The following EXOSC7 variants were observed in gnomAD, a reference collection of about 807,000 sequenced individuals.
The protein encoded by EXOSC7 is exosome complex component RRP42.
A neutral mutation model predicts 34.3 loss-of-function variants in EXOSC7; 25 were observed. The observed-to-expected ratio is 0.73, with a 90% CI of 0.53 to 1.02. EXOSC7 has a LOEUF of 1.02. EXOSC7 is among the 50% of genes least tolerant of loss of function. The probability of loss-of-function intolerance (pLI) is 0.00; values close to 1 mark genes in which losing one functional copy is unlikely to be tolerated. For missense variants in EXOSC7, 370 were observed against 368.5 expected, an observed-to-expected ratio of 1.00 and a Z score of -0.03; for synonymous variants, 130 against 143.0, an observed-to-expected ratio of 0.91 and a Z score of 0.65.
intron 1 of EXOSC7, among the ~76,000 whole-genome samples, chr3:44,983,466 G>A (rs1045808372): frequency 3.9e-5 from 6 of 152,222 alleles, no homozygotes; most frequent in Admixed American, 6.5e-5. Flanking sequence ...TTAGGTCAAG[G>A]TCACAAAACT....
chr3:45,005,787 A>G (rs1412337362), intron 6 of EXOSC7, among the ~76,000 whole-genome samples: 2 of 152,084 alleles, frequency 1.3e-5, no homozygotes, highest in Admixed American at 6.6e-5. Flanking sequence ...TGTCCCCCCT[A>G]TGAAATGGGA....
Position 44,989,161 on chromosome 3 carries a change from C to T in EXOSC7, c.79C>T (p.Arg27Cys), listed in dbSNP as rs1312053486. ...GVQEDLRVDG[R>C]GCEDYRCVEV... The stretch of plus-strand genomic sequence containing the variant: ...CTAGGAAGACCTCCGTGTGGATGGC[C>T]GTGGCTGTGAGGACTACCGATGTGT... Residue 27 changes from arginine (R) to cysteine (C), a missense_variant, in exon 2 of 8, where the codon CGT becomes TGT. Arg to Cys is a radical substitution (Grantham distance 180). Around this residue, in one of 3 missense-constraint regions of EXOSC7, gnomAD observed 95 missense variants for 79.8 expected, o/e 1.19. Transcript: ENST00000265564. 1.1e-5 allele frequency: 17 copies of T among 1,613,828 alleles called. No individual in the cohort carries two copies. Among genetic ancestry groups the T allele is most frequent in the Admixed American group, 3.3e-5 (2 of 59,992 alleles).
At chr3:44,988,623 T>A (rs1387289296) in intron 1 of EXOSC7, among the ~76,000 whole-genome samples, 2 of 152,242 alleles carry the variant, frequency 1.3e-5, no homozygotes, top group African/African-American at 4.8e-5. Flanking sequence ...GACCTTAGTT[T>A]GTTGACCCTG....
intron 1 of EXOSC7, among the ~76,000 whole-genome samples, chr3:44,985,456 T>G (rs1706381158): frequency 3.3e-5 from 5 of 151,952 alleles, no homozygotes; most frequent in Admixed American, 3.3e-4. Context: ...TGCTCGGAGT[T>G]TCTTCCTTCT....
At chr3:45,002,262 A>G (rs537647993) in intron 5 of EXOSC7, 73 of 152,350 alleles carry the variant, frequency 4.8e-4, no homozygotes, top group African/African-American at 1.7e-3. Flanking sequence ...AATACGTGGG[A>G]TAGGGTGTTC....
chr3:45,007,314 G>C (rs1381332698), intron 6 of EXOSC7, 106 bp from the exon 7 acceptor site: 2 of 1,192,738 alleles, frequency 1.7e-6, no homozygotes, highest in Admixed American at 4.5e-5. Flanking sequence ...GGAATGACCA[G>C]TGCAAATACT....
Position 44,985,540 on chromosome 3 carries a change from G to A in EXOSC7, c.58-3600G>A, listed in dbSNP as rs1022147492. Among the ~76,000 whole-genome samples, 12 of 151,608 alleles carry A rather than the reference G, an allele frequency of 7.9e-5. 1 individual carries two copies. The highest frequency in any genetic ancestry group is 6.3e-4 in the South Asian group (3 of 4,742). On this transcript the variant is annotated intron_variant, in intron 1 of 7. Transcript: ENST00000265564. ...TGGTGAGTGTTACAGCTCTTAAGGC[G>A]GCACACCTGGAGTTGTTCATTCCTC... is the stretch of plus-strand genomic sequence containing the variant.
chr3:45,005,485 GTTAC>G, intron 6 of EXOSC7, 71 bp downstream of exon 6: 1 of 1,500,418 alleles, frequency 6.7e-7, no homozygotes, highest in South Asian at 1.2e-5. Flanking sequence ...ACCTGCTGAG[GTTAC>G]TTAATAAGTT....
At chr3:44,989,740 A>G (rs995152153) in intron 3 of EXOSC7, 96 bp downstream of exon 3, 19 of 904,286 alleles carry the variant, frequency 2.1e-5, no homozygotes, top group South Asian at 4.7e-5. Flanking sequence ...ACCCACTTTT[A>G]TACTTATCAT....
At chr3:45,008,214 C>T (rs1032407066) in intron 7 of EXOSC7, among the ~76,000 whole-genome samples, 21 of 152,198 alleles carry the variant, frequency 1.4e-4, no homozygotes, top group African/African-American at 5.1e-4. Flanking sequence ...CACCTGTTTC[C>T]CAGACCTTCT....
intron 6 of EXOSC7, among the ~76,000 whole-genome samples, chr3:45,006,706 G>A (rs1707056449): frequency 6.6e-6 from 1 of 151,844 alleles, no homozygotes; most frequent in Non-Finnish European, 1.5e-5. Flanking sequence ...GTGAGCCACC[G>A]CGCCCGGCCT....
chr3:44,986,511 G>A (rs192450874), intron 1 of EXOSC7, among the ~76,000 whole-genome samples: 2 of 152,322 alleles, frequency 1.3e-5, no homozygotes, highest in Non-Finnish European at 2.9e-5. Context: ...GAGGGAGCCG[G>A]CTCCCACCTT....
In EXOSC7 at chr3:44,997,225, C is replaced by T. The variant is rs778326037; in HGVS notation, c.393C>T (p.His131=). ...LKTLCISPRE[H]CWVLYVDVLL... ...CCCTCTGCATTAGTCCTCGGGAGCA[C>T]TGCTGGGTTCTCTATGTGGATGTGC... The change falls in exon 4 of 8, where the codon CAC becomes CAT. Residue 131 remains histidine (H), a synonymous_variant. Transcript: ENST00000265564. 2 of 1,613,936 alleles carry T rather than the reference C, an allele frequency of 1.2e-6. No individual in the cohort carries two copies. The highest frequency in any genetic ancestry group is 1.7e-5 in the Admixed American group (1 of 59,988).
intron 3 of EXOSC7, among the ~76,000 whole-genome samples, chr3:44,991,534 A>G (rs1189492345): frequency 1.3e-5 from 2 of 152,198 alleles, no homozygotes; most frequent in Non-Finnish European, 2.9e-5. Context: ...AGGCAGACCA[A>G]AGACATTCAG....
Position 44,994,243 on chromosome 3 carries a change from AT to A in EXOSC7, c.255-2842del, listed in dbSNP as rs1706653718. ...GAGTGGTGTCTAGCTCATGCTAAAC[AT>A]TAAAAAAAAAAAAAAAAAGATAAGG... On this transcript the variant is annotated intron_variant, in intron 3 of 7. Coordinates refer to ENST00000265564, the MANE Select transcript of EXOSC7 (RefSeq NM_015004.4). Among the ~76,000 whole-genome samples, 5 of 131,176 alleles carry A rather than the reference AT, an allele frequency of 3.8e-5. No individual in the cohort carries two copies. The East Asian group carries it at 2.2e-3, about 57-fold the overall frequency. The allele number at this position is 131,176 out of a possible 152,430, so 86.1% of individuals were successfully genotyped here.
At chr3:45,004,354 C>A (rs1342371837) in intron 5 of EXOSC7, 1 of 151,978 alleles carries the variant, frequency 6.6e-6, no homozygotes, top group African/African-American at 2.4e-5. Context: ...TTCCCAGGTT[C>A]AAGCGATTCT....
intron 4 of EXOSC7, among the ~76,000 whole-genome samples, chr3:44,999,194 A>G (rs913717444): frequency 2.0e-5 from 3 of 152,220 alleles, no homozygotes; most frequent in South Asian, 2.1e-4. Flanking sequence ...GACTACTGGG[A>G]CATTATCTCA....
chr3:44,999,982 C>T (rs1194611536), intron 4 of EXOSC7, among the ~76,000 whole-genome samples: 1 of 151,244 alleles, frequency 6.6e-6, no homozygotes, highest in Non-Finnish European at 1.5e-5. Flanking sequence ...TGCTGGGCAC[C>T]CTGCCATGTT....
chr3:44,997,159 C>G lies in EXOSC7; in HGVS notation c.327C>G (p.Leu109=). The G allele has an allele frequency of 1.2e-6, 2 of 1,614,096 alleles. No homozygotes were observed. The highest frequency in any genetic ancestry group is 3.3e-5 in the Admixed American group (2 of 60,018). The change falls in exon 4 of 8, where the codon CTC becomes CTG. Residue 109 remains leucine (L), a synonymous_variant. Transcript: ENST00000265564. ...DDLGTEIANT[L]YRIFNNKSSV... ...TTGGCACCGAGATCGCTAACACCCTCTATCGGATATTTAACAATAAAAGCA... is the reference window on the plus strand; with the variant it reads ...TTGGCACCGAGATCGCTAACACCCTGTATCGGATATTTAACAATAAAAGCA...
Sources: gnomAD v4.1 joint callset for allele counts (sites outside exome capture counted in the v4.1 genomes callset) on GRCh38, gnomAD v4.1.1 for gene constraint, gnomAD v4.1.1 regional missense constraint, MANE v1.5 for transcripts, NCBI Gene and HGNC (gene_info 2026-07-23, HGNC 2026-07-21) for gene names.